LY96: variants seen among roughly 807,000 people sequenced by gnomAD.
LY96 encodes the protein lymphocyte antigen 96, also known as myeloid differentiation protein-2.
A neutral mutation model predicts 18.9 loss-of-function variants in LY96; 18 were observed. The ratio of observed to expected loss-of-function variants is 0.95; its 90% CI spans 0.66 to 1.41. The LOEUF is 1.41. LY96 is among the 40% of genes most tolerant of loss of function. The pLI is 0.00. For synonymous variants in LY96, 66 were observed against 62.6 expected, an observed-to-expected ratio of 1.06 and a Z score of -0.26; for missense variants, 175 against 182.4, an observed-to-expected ratio of 0.96 and a Z score of 0.23.
the LY96 span, among the ~76,000 whole-genome samples, chr8:74,073,807 G>A: frequency 0.017 from 2,548 of 149,424 alleles, 70 homozygotes; most frequent in African/African-American, 0.06. Flanking sequence ...GAGGCAGGAT[G>A]CCACCACGCC....
chr8:74,088,321 G>T, the LY96 span, among the ~76,000 whole-genome samples: 1 of 152,136 alleles, frequency 6.6e-6, no homozygotes, highest in Non-Finnish European at 1.5e-5. Flanking sequence ...AGCACCCATG[G>T]TTCTTACTCC....
chr8:74,006,461 G>A (rs1050985329), intron 2 of LY96, among the ~76,000 whole-genome samples: 1 of 152,170 alleles, frequency 6.6e-6, no homozygotes, highest in African/African-American at 2.4e-5. Context: ...GCCTCCCAAA[G>A]TGCTGGGATT....
At chr8:74,022,859 G>T (rs929101940) in intron 3 of LY96, among the ~76,000 whole-genome samples, 1 of 152,050 alleles carries the variant, frequency 6.6e-6, no homozygotes, top group Non-Finnish European at 1.5e-5. Context: ...GATTACAGGC[G>T]TGAGCCACTG....
the LY96 span, among the ~76,000 whole-genome samples, chr8:74,078,281 A>T: frequency 6.6e-6 from 1 of 152,124 alleles, no homozygotes; most frequent in Non-Finnish European, 1.5e-5. Context: ...CTTTCAGTGG[A>T]GTGTGAGGAT....
the LY96 span, among the ~76,000 whole-genome samples, chr8:74,087,578 T>C: frequency 2.6e-5 from 4 of 152,200 alleles, no homozygotes; most frequent in African/African-American, 9.7e-5. Context: ...AACCTCTGGG[T>C]GGCCAAGGTT....
At chr8:74,050,708 T>C in the LY96 span, among the ~76,000 whole-genome samples, 2 of 152,142 alleles carry the variant, frequency 1.3e-5, no homozygotes. Flanking sequence ...ACCAATCCTG[T>C]TAGCAATGCT....
the LY96 span, among the ~76,000 whole-genome samples, chr8:74,076,319 C>A: frequency 1.3e-5 from 2 of 151,658 alleles, no homozygotes; most frequent in Non-Finnish European, 2.9e-5. Flanking sequence ...CAACAAACAA[C>A]CAAGACACTT....
chr8:73,994,840 C>T (rs532308438), intron 1 of LY96, among the ~76,000 whole-genome samples: 3 of 152,148 alleles, frequency 2.0e-5, no homozygotes, highest in Non-Finnish European at 2.9e-5. Context: ...GACTGGATGG[C>T]TCAAACAACA....
intron 1 of LY96, among the ~76,000 whole-genome samples, chr8:73,996,006 A>G (rs1816118576): frequency 6.6e-6 from 1 of 152,160 alleles, no homozygotes; most frequent in South Asian, 2.1e-4. Context: ...ATTTTAAATC[A>G]GGATGGCCAG....
At chr8:74,032,597 G>A (rs554758154), downstream of LY96, among the ~76,000 whole-genome samples, 6 of 152,290 alleles carry the variant, frequency 3.9e-5, no homozygotes, top group East Asian at 1.9e-4. Flanking sequence ...CGGAGAGCTC[G>A]GTTTTTGGAG....
At chr8:74,083,686 T>G in the LY96 span, among the ~76,000 whole-genome samples, 3 of 152,174 alleles carry the variant, frequency 2.0e-5, no homozygotes, top group Admixed American at 1.3e-4. Flanking sequence ...GGATACCACT[T>G]AAATCTTTTC....
downstream of LY96, among the ~76,000 whole-genome samples, chr8:74,032,422 A>G (rs1816985937): frequency 6.6e-6 from 1 of 152,226 alleles, no homozygotes; most frequent in South Asian, 2.1e-4. Flanking sequence ...CCGATTCCAG[A>G]CATTGTATGG....
intron 3 of LY96, among the ~76,000 whole-genome samples, chr8:74,020,866 T>C (rs1275245965): frequency 1.3e-5 from 2 of 152,320 alleles, no homozygotes; most frequent in Admixed American, 6.5e-5. Flanking sequence ...TGGCTAGCCA[T>C]ATGTAGAAAG....
At chr8:74,021,135 C>A (rs1436456751) in intron 3 of LY96, among the ~76,000 whole-genome samples, 1 of 152,140 alleles carries the variant, frequency 6.6e-6, no homozygotes, top group Non-Finnish European at 1.5e-5. Context: ...GAACAGGCGA[C>A]CTACAGAATG....
At chr8:74,062,153 T>G in the LY96 span, among the ~76,000 whole-genome samples, 1 of 152,250 alleles carries the variant, frequency 6.6e-6, no homozygotes. Flanking sequence ...CATTCAGATT[T>G]ACTCTTTTGT....
At chr8:74,033,341 G>T (rs1348942754), downstream of LY96, among the ~76,000 whole-genome samples, 2 of 152,162 alleles carry the variant, frequency 1.3e-5, no homozygotes, top group Admixed American at 6.5e-5. Flanking sequence ...CCCTAGATTG[G>T]AAAATATAAG....
At chr8:74,076,933 G>A in the LY96 span, among the ~76,000 whole-genome samples, 2 of 152,166 alleles carry the variant, frequency 1.3e-5, no homozygotes, top group South Asian at 4.1e-4. Context: ...TTAATCGCAT[G>A]TCTGGGGCTC....
the LY96 span, among the ~76,000 whole-genome samples, chr8:74,061,939 A>G: frequency 6.6e-6 from 1 of 152,118 alleles, no homozygotes; most frequent in African/African-American, 2.4e-5. Context: ...AAACTTTTGG[A>G]TTGAAGTACA....
the LY96 span, among the ~76,000 whole-genome samples, chr8:74,053,787 C>T: frequency 2.6e-5 from 4 of 152,256 alleles, no homozygotes; most frequent in African/African-American, 9.6e-5. Flanking sequence ...TGGAGGTAAG[C>T]CTTTTGGGAG....
Sources: gnomAD v4.1 joint callset for allele counts (sites outside exome capture counted in the v4.1 genomes callset) on GRCh38, gnomAD v4.1.1 for gene constraint, MANE v1.5 for transcripts, NCBI Gene and HGNC (gene_info 2026-07-23, HGNC 2026-07-21) for gene names.